The following GALNTL6 variants were observed in gnomAD, a reference collection of about 807,000 sequenced individuals.
GALNTL6 encodes polypeptide N-acetylgalactosaminyltransferase-like 6.
A neutral mutation model predicts 73.7 loss-of-function variants in GALNTL6; 46 were observed. The ratio of observed to expected loss-of-function variants is 0.62; its 90% confidence interval spans 0.49 to 0.80. GALNTL6 has a LOEUF of 0.80. Among genes scored for constraint, GALNTL6 ranks in the 30% least tolerant of loss-of-function variants. GALNTL6 has a pLI of 0.00. For synonymous variants in GALNTL6, 259 were observed against 263.7 expected (o/e 0.98, Z 0.17); for missense variants, 604 against 755.0 (o/e 0.80, Z 2.34).
intron 2 of GALNTL6, among the ~76,000 whole-genome samples, chr4:172,176,930 C>A (rs1735021183): frequency 6.6e-6 from 1 of 152,016 alleles, no homozygotes; most frequent in African/African-American, 2.4e-5. Flanking sequence ...TATTTTAATA[C>A]CCTACTGATG....
chr4:172,351,215 CT>C (rs1741932412), intron 5 of GALNTL6, among the ~76,000 whole-genome samples: 1 of 152,194 alleles, frequency 6.6e-6, no homozygotes, highest in Middle Eastern at 3.4e-3. Context: ...ATCTATCTAT[CT>C]ATCTATCTAT....
chr4:172,371,976 A>G (rs1436121056), intron 5 of GALNTL6, among the ~76,000 whole-genome samples: 1 of 152,338 alleles, frequency 6.6e-6, no homozygotes, highest in East Asian at 1.9e-4. Context: ...TTAGATAAGC[A>G]TACTTGCTAT....
Position 172,834,758 on chromosome 4 carries a change from G to A in GALNTL6, c.923+21035G>A, listed in dbSNP as rs927422698. On this transcript the variant is annotated intron_variant, in intron 7 of 12. Coordinates refer to ENST00000506823, the MANE Select transcript of GALNTL6 (RefSeq NM_001034845.3). Reference sequence around the variant, plus strand: ...CCAGCTAATCAAATGGCCATTGGCCGCTTTCCTCCACTGTCTCCTTCTCTC... The same window carrying A: ...CCAGCTAATCAAATGGCCATTGGCCACTTTCCTCCACTGTCTCCTTCTCTC... Among the ~76,000 whole-genome samples the A allele has an allele frequency of 2.6e-5, 4 of 152,328 alleles. No individual in the cohort carries two copies. The East Asian group carries it at 5.8e-4, about 22-fold the overall frequency.
At chr4:171,906,371 C>T (rs1183016852) in intron 2 of GALNTL6, among the ~76,000 whole-genome samples, 13 of 151,616 alleles carry the variant, frequency 8.6e-5, no homozygotes, top group Admixed American at 3.9e-4. Flanking sequence ...AACACCTCTA[C>T]GCAAATAAAC....
chr4:172,904,302 G>C (rs2081808805), intron 8 of GALNTL6, among the ~76,000 whole-genome samples: 1 of 152,190 alleles, frequency 6.6e-6, no homozygotes. Context: ...AAGAAATAGA[G>C]AGCGATGGTT....
intron 8 of GALNTL6, among the ~76,000 whole-genome samples, chr4:172,926,912 GA>G (rs1256606699): frequency 6.6e-6 from 1 of 152,046 alleles, no homozygotes; most frequent in African/African-American, 2.4e-5. Context: ...AAGAGGCTGA[GA>G]AAAAAATGAC....
intron 2 of GALNTL6, among the ~76,000 whole-genome samples, chr4:171,969,577 T>C (rs1412512399): frequency 6.6e-6 from 1 of 152,240 alleles, no homozygotes; most frequent in African/African-American, 2.4e-5. Context: ...TCTGTATTTT[T>C]ACTCTTGATT....
At chr4:172,340,906 G>A (rs1041709475) in intron 4 of GALNTL6, among the ~76,000 whole-genome samples, 7 of 152,188 alleles carry the variant, frequency 4.6e-5, no homozygotes, top group African/African-American at 1.7e-4. Flanking sequence ...AAGATGTGAG[G>A]AGGACTCTGC....
chr4:172,039,877 A>C (rs1369509222), intron 2 of GALNTL6, among the ~76,000 whole-genome samples: 1 of 152,152 alleles, frequency 6.6e-6, no homozygotes, highest in Admixed American at 6.6e-5. Context: ...GTGTAATTTC[A>C]TTAAGATGAA....
intron 2 of GALNTL6, chr4:172,052,379 T>A: frequency 8.0e-7 from 1 of 1,245,102 alleles, no homozygotes; most frequent in Non-Finnish European, 1.1e-6. Flanking sequence ...TATGCACACC[T>A]TCACATCCTT....
At chr4:172,392,802 TCCA>T (rs1743711369) in intron 5 of GALNTL6, among the ~76,000 whole-genome samples, 1 of 152,186 alleles carries the variant, frequency 6.6e-6, no homozygotes, top group South Asian at 2.1e-4. Flanking sequence ...GCAAGTTCTC[TCCA>T]CCTTTGTTTT....
intron 2 of GALNTL6, among the ~76,000 whole-genome samples, chr4:172,155,987 C>T (rs889639209): frequency 9.2e-5 from 14 of 152,064 alleles, no homozygotes; most frequent in African/African-American, 3.1e-4. Context: ...TTACCTTTTG[C>T]AAGGCTCTTG....
chr4:172,630,062 G>A (rs1246258115), intron 5 of GALNTL6, among the ~76,000 whole-genome samples: 2 of 152,106 alleles, frequency 1.3e-5, no homozygotes, highest in African/African-American at 4.8e-5. Flanking sequence ...ATCCTCCTGA[G>A]ACAATTTTTT....
chr4:172,010,286 A>G lies in GALNTL6; in HGVS notation c.138+195568A>G, dbSNP rs1740964592. Among the ~76,000 whole-genome samples, 3 of 150,480 alleles carry G rather than the reference A, an allele frequency of 2.0e-5. No homozygotes were observed. The South Asian group carries it at 6.3e-4, about 32-fold the overall frequency. On this transcript the variant is annotated intron_variant, in intron 2 of 12. Transcript: ENST00000506823. ...GAGTACAACATTAGTAATATTTTCTAAGAAAAGTGTTCATTAAAATGTAAG... is the reference window on the plus strand; with the variant it reads ...GAGTACAACATTAGTAATATTTTCTGAGAAAAGTGTTCATTAAAATGTAAG...
intron 5 of GALNTL6, among the ~76,000 whole-genome samples, chr4:172,643,994 A>G (rs573861457): frequency 6.6e-6 from 1 of 151,970 alleles, no homozygotes; most frequent in Non-Finnish European, 1.5e-5. Flanking sequence ...GGTTTTTCCA[A>G]TTATATTCCT....
chr4:172,159,126 G>A (rs1734374761), intron 2 of GALNTL6, among the ~76,000 whole-genome samples: 1 of 152,146 alleles, frequency 6.6e-6, no homozygotes. Context: ...GCTAGATTAA[G>A]GCGCAACTCC....
At chr4:172,952,777 A>G (rs1749521745) in intron 10 of GALNTL6, among the ~76,000 whole-genome samples, 1 of 152,128 alleles carries the variant, frequency 6.6e-6, no homozygotes, top group Admixed American at 6.5e-5. Context: ...TGGCCTCCCA[A>G]AGTTTTGGGA....
At chr4:172,974,876 C>T (rs1402309322) in intron 10 of GALNTL6, among the ~76,000 whole-genome samples, 2 of 152,242 alleles carry the variant, frequency 1.3e-5, no homozygotes, top group African/African-American at 2.4e-5. Context: ...AGGCATACCA[C>T]GACCAGCTTC....
chr4:172,173,020 A>G (rs185114843), intron 2 of GALNTL6, among the ~76,000 whole-genome samples: 43 of 152,306 alleles, frequency 2.8e-4, no homozygotes, highest in African/African-American at 9.9e-4. Flanking sequence ...TGCCCACATC[A>G]TAGCAGCTTC....
Sources: gnomAD v4.1 joint callset for allele counts (sites outside exome capture counted in the v4.1 genomes callset) on GRCh38, gnomAD v4.1.1 for gene constraint, MANE v1.5 for transcripts, NCBI Gene and HGNC (gene_info 2026-07-23, HGNC 2026-07-21) for gene names.